The following SUGCT variants were observed in gnomAD, a reference collection of about 807,000 sequenced individuals.
The protein encoded by SUGCT is succinyl-CoA:glutarate-CoA transferase.
In SUGCT, 41 loss-of-function variants were observed where a neutral mutation model predicts 55.0. That is an observed-to-expected ratio of 0.74 (90% CI 0.58 to 0.97). SUGCT has a LOEUF of 0.97. Among genes scored for constraint, SUGCT ranks in the 50% least tolerant of loss-of-function variants. The pLI, the probability that SUGCT is intolerant of heterozygous loss-of-function variation, is 0.00. For synonymous variants in SUGCT, 187 were observed against 200.4 expected (o/e 0.93, Z 0.56); for missense variants, 568 against 547.8 (o/e 1.04, Z -0.37).
chr7:40,781,024 T>A (rs563288865), intron 13 of SUGCT, among the ~76,000 whole-genome samples: 1 of 152,310 alleles, frequency 6.6e-6, no homozygotes, highest in East Asian at 1.9e-4. Flanking sequence ...GGGTTCCTCA[T>A]GTGGTTAACT....
intron 13 of SUGCT, among the ~76,000 whole-genome samples, chr7:40,823,849 C>A (rs1252450832): frequency 6.6e-6 from 1 of 152,110 alleles, no homozygotes; most frequent in Non-Finnish European, 1.5e-5. Context: ...CCTAGTCCCA[C>A]GAAATTGTCC....
At chr7:40,253,681 C>T (rs970183771) in intron 7 of SUGCT, among the ~76,000 whole-genome samples, 2 of 152,274 alleles carry the variant, frequency 1.3e-5, no homozygotes, top group East Asian at 1.9e-4. Context: ...CCACCACGCA[C>T]GGCTAATTTT....
At chr7:40,190,181 C>T (rs923957239) in intron 5 of SUGCT, among the ~76,000 whole-genome samples, 6 of 152,170 alleles carry the variant, frequency 3.9e-5, no homozygotes, top group Admixed American at 2.6e-4. Context: ...GCTATATGAC[C>T]TCAGACAGGT....
At chr7:40,351,429 A>ACTAT (rs112819001) in intron 9 of SUGCT, among the ~76,000 whole-genome samples, 2,279 of 152,208 alleles carry the variant, frequency 0.015, 49 homozygotes, top group South Asian at 0.058. Flanking sequence ...AATAAAACAA[A>ACTAT]CTTCCTAATT....
At chr7:40,929,258 C>CT in the SUGCT span, among the ~76,000 whole-genome samples, 1 of 152,070 alleles carries the variant, frequency 6.6e-6, no homozygotes, top group Non-Finnish European at 1.5e-5. Flanking sequence ...TGAACTCATT[C>CT]TTTTTTATGG....
chr7:40,915,617 A>G, the SUGCT span, among the ~76,000 whole-genome samples: 1 of 152,228 alleles, frequency 6.6e-6, no homozygotes, highest in African/African-American at 2.4e-5. Flanking sequence ...AAAGGTAGCC[A>G]TAAAGGCAGA....
the SUGCT span, among the ~76,000 whole-genome samples, chr7:40,957,630 T>A: frequency 6.6e-6 from 1 of 152,070 alleles, no homozygotes; most frequent in East Asian, 1.9e-4. Flanking sequence ...ATTGGGGTAT[T>A]TAGCTGATTT....
the SUGCT span, among the ~76,000 whole-genome samples, chr7:40,954,194 T>G: frequency 6.6e-6 from 1 of 152,202 alleles, no homozygotes; most frequent in African/African-American, 2.4e-5. Context: ...TGCAGTTTGA[T>G]CTCAGACTGC....
At chr7:40,943,563 G>A in the SUGCT span, among the ~76,000 whole-genome samples, 1 of 149,772 alleles carries the variant, frequency 6.7e-6, no homozygotes, top group African/African-American at 2.5e-5. Flanking sequence ...AGTTTACTGA[G>A]AATGATGATT....
the SUGCT span, among the ~76,000 whole-genome samples, chr7:40,875,356 G>C: frequency 6.6e-6 from 1 of 152,200 alleles, no homozygotes; most frequent in African/African-American, 2.4e-5. Flanking sequence ...TGTTAGTGTA[G>C]TTCCATATTG....
At chr7:40,445,393 T>A (rs531752733) in intron 9 of SUGCT, among the ~76,000 whole-genome samples, 2 of 152,020 alleles carry the variant, frequency 1.3e-5, no homozygotes, top group East Asian at 3.9e-4. Context: ...AACTAGAAAA[T>A]CTAGTAGAAA....
At chr7:40,204,976 C>T (rs760993937) in intron 6 of SUGCT, among the ~76,000 whole-genome samples, 11 of 141,700 alleles carry the variant, frequency 7.8e-5, no homozygotes, top group South Asian at 2.3e-4. Context: ...GAGAAGGGCC[C>T]GGTGCAATGG....
At chr7:40,163,581 G>T (rs1402295901) in intron 1 of SUGCT, among the ~76,000 whole-genome samples, 2 of 150,542 alleles carry the variant, frequency 1.3e-5, no homozygotes, top group Admixed American at 1.3e-4. Flanking sequence ...CTCCAGCCTG[G>T]GTGATAGAGC....
chr7:40,975,175 T>C, the SUGCT span, among the ~76,000 whole-genome samples: 1 of 152,202 alleles, frequency 6.6e-6, no homozygotes, highest in Admixed American at 6.5e-5. Context: ...CCCATGGTTT[T>C]GTATACATTT....
intron 7 of SUGCT, among the ~76,000 whole-genome samples, chr7:40,266,012 G>T (rs529603855): frequency 6.6e-6 from 1 of 151,690 alleles, no homozygotes; most frequent in South Asian, 2.1e-4. Flanking sequence ...GTAGTGGTGT[G>T]GTTTTTCCCC....
intron 12 of SUGCT, among the ~76,000 whole-genome samples, chr7:40,747,871 G>C (rs1437761111): frequency 6.6e-6 from 1 of 152,138 alleles, no homozygotes; most frequent in Non-Finnish European, 1.5e-5. Flanking sequence ...TTATGTATCA[G>C]AATTTGGTTC....
chr7:40,150,064 A>G (rs1788473956), intron 1 of SUGCT, among the ~76,000 whole-genome samples: 1 of 97,854 alleles, frequency 1.0e-5, no homozygotes, highest in African/African-American at 7.0e-5. Context: ...CTGCACTCCA[A>G]CCTGGGAACA....
At chr7:40,480,547 A>G (rs1583791793) in intron 11 of SUGCT, among the ~76,000 whole-genome samples, 1 of 152,110 alleles carries the variant, frequency 6.6e-6, no homozygotes, top group East Asian at 1.9e-4. Flanking sequence ...CTATTTCTGT[A>G]AAGAATGCCG....
chr7:40,327,532 C>A (rs1796079649), intron 9 of SUGCT, among the ~76,000 whole-genome samples: 1 of 152,138 alleles, frequency 6.6e-6, no homozygotes, highest in South Asian at 2.1e-4. Context: ...TGTTCAAAGA[C>A]TATTATGATT....
Sources: gnomAD v4.1 joint callset for allele counts (sites outside exome capture counted in the v4.1 genomes callset) on GRCh38, gnomAD v4.1.1 for gene constraint, MANE v1.5 for transcripts, NCBI Gene and HGNC (gene_info 2026-07-23, HGNC 2026-07-21) for gene names.